The following CHODL variants were observed in gnomAD, a reference collection of about 807,000 sequenced individuals.
The protein encoded by CHODL is transmembrane protein MT75.
A neutral mutation model predicts 34.5 loss-of-function variants in CHODL; 29 were observed. That is an observed-to-expected ratio of 0.84 (90% CI 0.63 to 1.15). The LOEUF is 1.15. CHODL is among the 50% of genes most tolerant of loss of function. CHODL has a pLI of 0.00. For synonymous variants in CHODL, 125 were observed against 116.1 expected (o/e 1.08, Z -0.49); for missense variants, 332 against 332.5 (o/e 1.00, Z 0.01).
intron 5 of CHODL, among the ~76,000 whole-genome samples, chr21:18,263,286 T>C (rs1169869982): frequency 6.6e-6 from 1 of 152,188 alleles, no homozygotes; most frequent in African/African-American, 2.4e-5. Context: ...AATCTAGACA[T>C]CAAGCTATAT....
chr21:18,190,415 C>T (rs567838170), intron 2 of CHODL, among the ~76,000 whole-genome samples: 1 of 152,158 alleles, frequency 6.6e-6, no homozygotes, highest in African/African-American at 2.4e-5. Flanking sequence ...ATGAACGTAG[C>T]AATGGCTTCT....
chr21:17,940,314 C>T lies in CHODL; in HGVS notation c.-145+22914C>T, dbSNP rs569861216. On this transcript the variant is annotated intron_variant, in intron 1 of 6. Coordinates refer to the CHODL transcript ENST00000400127. ...TCTGGAAACAATCCCATTTTCATCA[C>T]CAATGAAGAAACAAATGAATTGAGC... 2.0e-5 allele frequency among the ~76,000 whole-genome samples: 3 copies of T among 152,208 alleles called. No homozygotes were observed. In the South Asian group the frequency reaches 6.2e-4, roughly 32 times the overall value.
At chr21:17,930,296 C>T (rs2063261871) in intron 1 of CHODL, among the ~76,000 whole-genome samples, 1 of 152,118 alleles carries the variant, frequency 6.6e-6, no homozygotes, top group African/African-American at 2.4e-5. Context: ...AAAGCCTAGC[C>T]CTCAGAGGCC....
intron 2 of CHODL, among the ~76,000 whole-genome samples, chr21:18,171,736 G>GTTTTTTTTTTTTTT (rs71189587): frequency 1.4e-5 from 2 of 146,498 alleles, no homozygotes. Context: ...ATTCTCTTCA[G>GTTTTTTTTTTTTTT]TTTTTTTTTT....
chr21:17,927,557 A>G (rs967883349), intron 1 of CHODL, among the ~76,000 whole-genome samples: 6 of 152,298 alleles, frequency 3.9e-5, no homozygotes, highest in African/African-American at 1.4e-4. Context: ...ATGGACTATA[A>G]TGGATCCTCA....
chr21:18,031,841 G>C (rs2064251855), intron 2 of CHODL, among the ~76,000 whole-genome samples: 1 of 152,084 alleles, frequency 6.6e-6, no homozygotes, highest in African/African-American at 2.4e-5. Flanking sequence ...CAGCATCTAT[G>C]AATGAAGAGA....
At chr21:18,160,413 T>G (rs1383131830) in intron 2 of CHODL, among the ~76,000 whole-genome samples, 5 of 152,160 alleles carry the variant, frequency 3.3e-5, no homozygotes, top group African/African-American at 1.2e-4. Flanking sequence ...CATGGGGGTT[T>G]GTTGTACAGA....
At chr21:17,928,799 C>A (rs2063248185) in intron 1 of CHODL, among the ~76,000 whole-genome samples, 1 of 152,190 alleles carries the variant, frequency 6.6e-6, no homozygotes, top group African/African-American at 2.4e-5. Flanking sequence ...CAGTTTACTT[C>A]TTAACTGTGA....
intron 2 of CHODL, among the ~76,000 whole-genome samples, chr21:18,135,917 G>C (rs1205120887): frequency 6.6e-6 from 1 of 151,822 alleles, no homozygotes; most frequent in Non-Finnish European, 1.5e-5. Flanking sequence ...GACAATCCCG[G>C]CCGACATGGT....
At chr21:18,177,898 C>CA (rs2073336183) in intron 2 of CHODL, among the ~76,000 whole-genome samples, 2 of 152,012 alleles carry the variant, frequency 1.3e-5, no homozygotes, top group African/African-American at 4.8e-5. Context: ...TTAGAATAAA[C>CA]AAATTTGTTA....
At chr21:17,940,814 C>G (rs1258711733) in intron 1 of CHODL, among the ~76,000 whole-genome samples, 1 of 152,216 alleles carries the variant, frequency 6.6e-6, no homozygotes, top group Non-Finnish European at 1.5e-5. Context: ...AATAGACGCT[C>G]TTCATCCCCT....
chr21:18,226,608 A>AT (rs1283155821), intron 2 of CHODL, among the ~76,000 whole-genome samples: 3 of 152,102 alleles, frequency 2.0e-5, no homozygotes, highest in Non-Finnish European at 4.4e-5. Flanking sequence ...CATGTTTTAC[A>AT]TTTTATATAC....
In CHODL at chr21:17,941,593, C is replaced by T. The variant is rs187698416; in HGVS notation, c.-145+24193C>T. Among the ~76,000 whole-genome samples, 111 of 151,950 alleles carry T rather than the reference C, an allele frequency of 7.3e-4. 1 individual carries two copies. The highest frequency in any genetic ancestry group is 2.0e-3 in the Admixed American group (31 of 15,248). ...CAGAGGGATAATGTTCTTATCAAAT[C>T]TCCACTTATAAGAAACATGACATCA... On this transcript the variant is annotated intron_variant, in intron 1 of 6. Coordinates refer to the CHODL transcript ENST00000400127.
intron 2 of CHODL, among the ~76,000 whole-genome samples, chr21:18,211,141 T>TACACACAC (rs3077936): frequency 0.095 from 14,112 of 148,694 alleles, 687 homozygotes; most frequent in Middle Eastern, 0.15. Flanking sequence ...TACACATGGA[T>TACACACAC]ACACACACAC....
At chr21:18,195,547 G>C (rs1351716397) in intron 2 of CHODL, among the ~76,000 whole-genome samples, 2 of 152,118 alleles carry the variant, frequency 1.3e-5, no homozygotes, top group African/African-American at 4.8e-5. Flanking sequence ...ACATGTAATT[G>C]GGATCATGTG....
At chr21:18,131,885 AT>A (rs2072659207) in intron 2 of CHODL, among the ~76,000 whole-genome samples, 1 of 151,980 alleles carries the variant, frequency 6.6e-6, no homozygotes, top group Non-Finnish European at 1.5e-5. Flanking sequence ...TTTTAAAAGA[AT>A]TATCTTTTTT....
chr21:18,038,242 G>A (rs1483004116), intron 2 of CHODL, among the ~76,000 whole-genome samples: 1 of 151,614 alleles, frequency 6.6e-6, no homozygotes, highest in Non-Finnish European at 1.5e-5. Context: ...TCCCCAAGGT[G>A]TCTTTTACGT....
At chr21:18,248,391 T>G (rs371926220) in intron 1 of CHODL, among the ~76,000 whole-genome samples, 18 of 151,482 alleles carry the variant, frequency 1.2e-4, no homozygotes, top group East Asian at 9.7e-4. Flanking sequence ...TTTTCAGAGA[T>G]GCAATTACTT....
chr21:18,114,255 A>C (rs536610880), intron 2 of CHODL, among the ~76,000 whole-genome samples: 1 of 152,158 alleles, frequency 6.6e-6, no homozygotes, highest in Non-Finnish European at 1.5e-5. Flanking sequence ...CATCAATGAT[A>C]ACTTACTTGC....
Sources: allele counts gnomAD v4.1 joint callset (sites outside exome capture counted in the v4.1 genomes callset), GRCh38; gene constraint gnomAD v4.1.1; transcripts MANE v1.5; gene names NCBI Gene and HGNC (gene_info 2026-07-23, HGNC 2026-07-21).